MSH4: variants seen among roughly 807,000 people sequenced by gnomAD.
MSH4 encodes mutS protein homolog 4.
A neutral mutation model predicts 113.7 loss-of-function variants in MSH4; 106 were observed. The ratio of observed to expected loss-of-function variants is 0.93; its 90% confidence interval spans 0.80 to 1.10. MSH4 has a LOEUF of 1.10. Among genes scored for constraint, MSH4 ranks in the 50% least tolerant of loss-of-function variants. The pLI, the probability that MSH4 is intolerant of heterozygous loss-of-function variation, is 0.00. For missense variants in MSH4, 1,061 were observed against 1,093.7 expected (o/e 0.97, Z 0.42); for synonymous variants, 368 against 380.2 (o/e 0.97, Z 0.37).
chr1:75,800,276 C>T lies in MSH4; in HGVS notation c.244+3047C>T, dbSNP rs144379359. 6.3e-3 allele frequency among the ~76,000 whole-genome samples: 964 copies of T among 152,298 alleles called. 16 individuals carry two copies. Among genetic ancestry groups the T allele is most frequent in the Admixed American group, 0.035 (540 of 15,294 alleles). On this transcript the variant is annotated intron_variant, in intron 1 of 19. Coordinates refer to ENST00000263187, the MANE Select transcript of MSH4 (RefSeq NM_002440.4). ...TGATAGCACCCCTACACCCTGTCCA[C>T]ACCTTTGTAAATATTCTCTTTATCA...
chr1:75,798,312 C>G (rs1343647134), intron 1 of MSH4, among the ~76,000 whole-genome samples: 1 of 152,074 alleles, frequency 6.6e-6, no homozygotes, highest in East Asian at 1.9e-4. Context: ...ATTTGGCTTC[C>G]TTGATTCCAC....
chr1:75,905,317 G>T (rs1245530629), intron 19 of MSH4, among the ~76,000 whole-genome samples: 1 of 150,862 alleles, frequency 6.6e-6, no homozygotes, highest in Non-Finnish European at 1.5e-5. Flanking sequence ...TTGTTCAGGG[G>T]CATGTTGTTT....
At chr1:75,813,556 T>C (rs1189935801) in intron 4 of MSH4, among the ~76,000 whole-genome samples, 1 of 152,132 alleles carries the variant, frequency 6.6e-6, no homozygotes, top group African/African-American at 2.4e-5. Flanking sequence ...TTATATAGGG[T>C]AATCAGAGAT....
chr1:75,798,169 C>T (rs1359008879), intron 1 of MSH4, among the ~76,000 whole-genome samples: 1 of 152,144 alleles, frequency 6.6e-6, no homozygotes, highest in Non-Finnish European at 1.5e-5. Flanking sequence ...GCTATGCTGC[C>T]CATGCTGGTC....
At chr1:75,822,291 A>C in intron 6 of MSH4, 118 bp from the exon 7 acceptor site, 1 of 486,428 alleles carries the variant, frequency 2.1e-6, no homozygotes. Context: ...TCTGTTTCAA[A>C]AAAAAAAAAA....
chr1:75,843,787 A>G (rs1651019586), intron 7 of MSH4, among the ~76,000 whole-genome samples: 1 of 152,136 alleles, frequency 6.6e-6, no homozygotes, highest in Admixed American at 6.5e-5. Context: ...GGTAGCAGGT[A>G]AAATAAACAT....
At chr1:75,832,657 A>G (rs1049039185) in intron 7 of MSH4, among the ~76,000 whole-genome samples, 1 of 152,150 alleles carries the variant, frequency 6.6e-6, no homozygotes, top group Non-Finnish European at 1.5e-5. Context: ...TACGTAATCC[A>G]TCACATAAAC....
intron 17 of MSH4, among the ~76,000 whole-genome samples, chr1:75,896,488 C>A (rs1247340182): frequency 1.3e-5 from 2 of 151,306 alleles, no homozygotes; most frequent in African/African-American, 4.9e-5. Context: ...ACTCTTTTTG[C>A]CCAGGCTGGA....
chr1:75,827,253 G>A (rs955342227), intron 7 of MSH4, among the ~76,000 whole-genome samples: 4 of 152,080 alleles, frequency 2.6e-5, no homozygotes, highest in African/African-American at 9.7e-5. Context: ...CATAAGTGAA[G>A]GAGAAATAAA....
At chr1:75,885,027 A>ATGTGTGTG (rs1204389052) in intron 15 of MSH4, among the ~76,000 whole-genome samples, 2 of 121,304 alleles carry the variant, frequency 1.6e-5, no homozygotes, top group African/African-American at 7.0e-5. Context: ...GTATATATAT[A>ATGTGTGTG]TATGTGTGTG....
chr1:75,860,360 A>T (rs1171961788), intron 8 of MSH4, among the ~76,000 whole-genome samples: 1 of 152,088 alleles, frequency 6.6e-6, no homozygotes, highest in Non-Finnish European at 1.5e-5. Flanking sequence ...CATAGCATTG[A>T]TGGTCTTTAC....
At chr1:75,844,240 T>G (rs1017231023) in intron 7 of MSH4, among the ~76,000 whole-genome samples, 1 of 152,260 alleles carries the variant, frequency 6.6e-6, no homozygotes, top group Admixed American at 6.5e-5. Context: ...GTTATCATTG[T>G]TCACTGTATT....
intron 16 of MSH4, 105 bp downstream of exon 16, chr1:75,889,474 T>A: frequency 3.8e-6 from 2 of 524,928 alleles, no homozygotes; most frequent in Non-Finnish European, 6.8e-6. Context: ...ATGTTGCTTA[T>A]ACCCTTTTCT....
intron 7 of MSH4, among the ~76,000 whole-genome samples, chr1:75,825,582 A>G (rs1650528526): frequency 6.6e-6 from 1 of 152,174 alleles, no homozygotes; most frequent in Admixed American, 6.5e-5. Flanking sequence ...CCCATTCAAT[A>G]TGATATTGGC....
intron 8 of MSH4, among the ~76,000 whole-genome samples, chr1:75,867,090 T>C (rs558125914): frequency 6.6e-6 from 1 of 152,304 alleles, no homozygotes; most frequent in East Asian, 1.9e-4. Context: ...CAGGAACCAA[T>C]GAGGGAAATC....
At chr1:75,849,183 C>T (rs1033644656) in intron 8 of MSH4, among the ~76,000 whole-genome samples, 7 of 152,164 alleles carry the variant, frequency 4.6e-5, no homozygotes, top group South Asian at 2.1e-4. Context: ...CTGCCCACCT[C>T]GGCCTCCCAA....
chr1:75,844,314 C>T (rs1651031206), intron 7 of MSH4, among the ~76,000 whole-genome samples: 1 of 152,038 alleles, frequency 6.6e-6, no homozygotes, highest in South Asian at 2.1e-4. Context: ...AAGTTTATTA[C>T]TTATTTATAT....
intron 15 of MSH4, among the ~76,000 whole-genome samples, chr1:75,885,055 G>GTATATGTATGTATGTATGTA (rs1469516814): frequency 7.8e-5 from 8 of 102,258 alleles, no homozygotes; most frequent in African/African-American, 3.1e-4. Context: ...GTGTGTGTGT[G>GTATATGTATGTATGTATGTA]TGTGTATATA....
intron 19 of MSH4, among the ~76,000 whole-genome samples, chr1:75,911,964 G>A (rs1420091116): frequency 6.6e-6 from 1 of 151,968 alleles, no homozygotes; most frequent in Non-Finnish European, 1.5e-5. Flanking sequence ...AATTTTCTAG[G>A]TATATTTGCA....
Sources: gnomAD v4.1 joint callset for allele counts (sites outside exome capture counted in the v4.1 genomes callset) on GRCh38, gnomAD v4.1.1 for gene constraint, MANE v1.5 for transcripts, NCBI Gene and HGNC (gene_info 2026-07-23, HGNC 2026-07-21) for gene names.